The following CNTNAP5 variants were observed in gnomAD, a reference collection of about 807,000 sequenced individuals.
The protein encoded by CNTNAP5 is contactin-associated protein-like 5.
In CNTNAP5, 72 loss-of-function variants were observed where a neutral mutation model predicts 150.2. That is an observed-to-expected ratio of 0.48 (90% CI 0.40 to 0.58). CNTNAP5 has a LOEUF of 0.58. CNTNAP5 is among the 20% of genes least tolerant of loss of function. CNTNAP5 has a pLI of 0.00. For synonymous variants in CNTNAP5, 672 were observed against 619.8 expected, an observed-to-expected ratio of 1.08 and a Z score of -1.25; for missense variants, 1,636 against 1,626.2, an observed-to-expected ratio of 1.01 and a Z score of -0.10.
In CNTNAP5 at chr2:124,025,730, A is replaced by C. The variant is rs117021222; in HGVS notation, c.80A>C (p.Asn27Thr). 5.8e-4 allele frequency: 934 copies of C among 1,611,698 alleles called. 9 individuals are homozygous for C. In the East Asian group the frequency reaches 0.02, roughly 35 times the overall value. The change falls in exon 1 of 24, where the codon AAC (asparagine) becomes ACC (threonine). Residue 27 changes from asparagine to threonine, a missense_variant and splice_region_variant. Transcript: ENST00000682447. ...TGGCATTTAGGATTAACAGCGACAA[A>C]CTGTGAGTACGAGGAGCTGGGGGCG... Reference protein sequence around the residue: ...GLWHLGLTATNYNCDDPLASL... With the variant: ...GLWHLGLTATTYNCDDPLASL...
At chr2:124,385,064 C>A (rs921513673) in intron 3 of CNTNAP5, among the ~76,000 whole-genome samples, 11 of 152,128 alleles carry the variant, frequency 7.2e-5, no homozygotes, top group African/African-American at 2.4e-4. Context: ...TGGCAGGCAC[C>A]CAACCCTTGA....
chr2:124,196,502 C>T (rs1160002385), intron 1 of CNTNAP5, among the ~76,000 whole-genome samples: 1 of 152,154 alleles, frequency 6.6e-6, no homozygotes, highest in Admixed American at 6.5e-5. Context: ...ATTATTGTTG[C>T]TTTCCATATT....
intron 7 of CNTNAP5, among the ~76,000 whole-genome samples, chr2:124,488,966 G>A (rs911907298): frequency 1.3e-5 from 2 of 152,128 alleles, no homozygotes; most frequent in African/African-American, 4.8e-5. Context: ...AGCAGAGGTG[G>A]CAGGACCTAA....
chr2:124,665,482 T>C (rs1014537425), intron 13 of CNTNAP5, among the ~76,000 whole-genome samples: 1 of 152,186 alleles, frequency 6.6e-6, no homozygotes, highest in Non-Finnish European at 1.5e-5. Flanking sequence ...ATTATTTTAT[T>C]CCCTTTTTTA....
intron 1 of CNTNAP5, among the ~76,000 whole-genome samples, chr2:124,028,024 A>C (rs1405715090): frequency 6.6e-6 from 1 of 152,202 alleles, no homozygotes; most frequent in African/African-American, 2.4e-5. Context: ...TAATCAATTA[A>C]TATTTGTATA....
At chr2:124,507,601 A>G (rs1694443810) in intron 8 of CNTNAP5, among the ~76,000 whole-genome samples, 1 of 152,224 alleles carries the variant, frequency 6.6e-6, no homozygotes, top group Non-Finnish European at 1.5e-5. Context: ...TACAGGTATC[A>G]GCCCTTAGAG....
chr2:124,259,180 C>A (rs1687391236), intron 3 of CNTNAP5, among the ~76,000 whole-genome samples: 1 of 152,180 alleles, frequency 6.6e-6, no homozygotes, highest in Admixed American at 6.5e-5. Context: ...CTACAAAGGA[C>A]ATGAACTCAT....
chr2:124,788,686 C>T (rs1199161987), intron 17 of CNTNAP5, among the ~76,000 whole-genome samples: 4 of 151,214 alleles, frequency 2.6e-5, no homozygotes, highest in Middle Eastern at 3.4e-3. Context: ...CTGTAGCCTC[C>T]GCCTCCCCGG....
intron 13 of CNTNAP5, among the ~76,000 whole-genome samples, chr2:124,722,848 A>C (rs1206335599): frequency 1.3e-5 from 2 of 152,148 alleles, no homozygotes; most frequent in Non-Finnish European, 1.5e-5. Context: ...TTGCAGCTAG[A>C]TAGCTCTATT....
At chr2:124,771,998 C>T (rs574372453) in intron 16 of CNTNAP5, among the ~76,000 whole-genome samples, 105 of 151,754 alleles carry the variant, frequency 6.9e-4, no homozygotes, top group Middle Eastern at 3.4e-3. Context: ...ACCACCACCA[C>T]CATCACCATC....
At chr2:124,791,153 G>T (rs1681719445) in intron 18 of CNTNAP5, among the ~76,000 whole-genome samples, 2 of 152,088 alleles carry the variant, frequency 1.3e-5, no homozygotes, top group Admixed American at 6.5e-5. Flanking sequence ...GGTTTATTTA[G>T]TCCAGCTTGC....
At chr2:124,801,161 T>A (rs1291421243) in intron 19 of CNTNAP5, among the ~76,000 whole-genome samples, 1 of 152,180 alleles carries the variant, frequency 6.6e-6, no homozygotes, top group Non-Finnish European at 1.5e-5. Context: ...AACTAAGATA[T>A]GTGCTCAATC....
chr2:124,365,486 C>T (rs1271331574), intron 3 of CNTNAP5, among the ~76,000 whole-genome samples: 2 of 152,122 alleles, frequency 1.3e-5, no homozygotes, highest in African/African-American at 4.8e-5. Context: ...CAAAGTTCAG[C>T]TTAGAATTTC....
At chr2:124,221,151 C>T (rs114886234) in intron 1 of CNTNAP5, among the ~76,000 whole-genome samples, 2,291 of 152,140 alleles carry the variant, frequency 0.015, 69 homozygotes, top group African/African-American at 0.053. Context: ...TACTGCTTCA[C>T]GGAATAGAAA....
intron 19 of CNTNAP5, among the ~76,000 whole-genome samples, chr2:124,843,172 A>T (rs1487583756): frequency 6.6e-6 from 1 of 152,066 alleles, no homozygotes; most frequent in East Asian, 1.9e-4. Context: ...TTCATTCCAG[A>T]GTTACTTCAC....
At chr2:124,057,048 C>T (rs1681868632) in intron 1 of CNTNAP5, among the ~76,000 whole-genome samples, 1 of 152,072 alleles carries the variant, frequency 6.6e-6, no homozygotes, top group South Asian at 2.1e-4. Context: ...TTGATAATTA[C>T]TCAATGGCCA....
At chr2:124,453,334 G>A (rs1286620230) in intron 6 of CNTNAP5, among the ~76,000 whole-genome samples, 1 of 151,794 alleles carries the variant, frequency 6.6e-6, no homozygotes, top group Non-Finnish European at 1.5e-5. Context: ...CAAAGGCAAA[G>A]AAAATAGAAT....
intron 1 of CNTNAP5, among the ~76,000 whole-genome samples, chr2:124,119,927 G>T (rs1201863562): frequency 6.6e-6 from 1 of 152,140 alleles, no homozygotes; most frequent in South Asian, 2.1e-4. Context: ...GTAAAGCAGT[G>T]GTTCTCAAAC....
chr2:124,789,761 C>T, intron 17 of CNTNAP5, 141 bp from the exon 18 acceptor site: 1 of 721,990 alleles, frequency 1.4e-6, no homozygotes, highest in Non-Finnish European at 2.2e-6. Flanking sequence ...TTCCAACTCT[C>T]ACTGAAACTT....
Sources: allele counts gnomAD v4.1 joint callset (sites outside exome capture counted in the v4.1 genomes callset), GRCh38; gene constraint gnomAD v4.1.1; transcripts MANE v1.5; gene names NCBI Gene and HGNC (gene_info 2026-07-23, HGNC 2026-07-21).